Variants in MYO18B observed in about 807,000 individuals in gnomAD.
The protein encoded by MYO18B is myosin XVIIIB.
In MYO18B, 204 loss-of-function variants were observed where a neutral mutation model predicts 273.0. The observed-to-expected ratio is 0.75, with a 90% confidence interval of 0.67 to 0.84. MYO18B has a LOEUF of 0.84. Among genes scored for constraint, MYO18B ranks in the 40% least tolerant of loss-of-function variants. The probability of loss-of-function intolerance (pLI) is 0.00; values close to 1 mark genes in which losing one functional copy is unlikely to be tolerated. For synonymous variants in MYO18B, 1,330 were observed against 1,305.7 expected (o/e 1.02, Z -0.40); for missense variants, 3,212 against 3,287.6 (o/e 0.98, Z 0.56).
chr22:25,744,548 G>A (rs999951329), intron 1 of MYO18B, among the ~76,000 whole-genome samples: 5 of 152,120 alleles, frequency 3.3e-5, no homozygotes, highest in African/African-American at 4.8e-5. Context: ...TGGCTAACAC[G>A]GTGAAACCCC....
At chr22:25,754,095 T>C (rs1601595042) in intron 1 of MYO18B, among the ~76,000 whole-genome samples, 1 of 152,136 alleles carries the variant, frequency 6.6e-6, no homozygotes, top group Non-Finnish European at 1.5e-5. Context: ...CTACAGTAAG[T>C]GAAGAGAACG....
At position 26,004,979 on chromosome 22, in the gene MYO18B, C is replaced by G. The variant is rs982655608; in HGVS notation, c.6470+124C>G. 7.0e-6 allele frequency: 9 copies of G among 1,289,292 alleles called. No individual in the cohort carries two copies. The African/African-American group carries it at 1.3e-4, about 19-fold the overall frequency. The allele number at this position is 1,289,292 out of a possible 1,614,324, so 79.9% of individuals were successfully genotyped here. Reference sequence around the variant, plus strand: ...CAAAAACAAGCATGGTCCTGAAAGTCTGGGGTATAACTCTGCCACTTCCTA... The same window carrying G: ...CAAAAACAAGCATGGTCCTGAAAGTGTGGGGTATAACTCTGCCACTTCCTA... On this transcript the variant is annotated intron_variant, in intron 42 of 43. Coordinates refer to ENST00000335473, the MANE Select transcript of MYO18B (RefSeq NM_032608.7).
At chr22:25,789,728 C>G (rs1489186467) in intron 11 of MYO18B, among the ~76,000 whole-genome samples, 2 of 152,178 alleles carry the variant, frequency 1.3e-5, no homozygotes, top group African/African-American at 4.8e-5. Context: ...CACACACACA[C>G]TCGAGCAAAC....
intron 17 of MYO18B, 49 bp from the exon 18 acceptor site, chr22:25,843,686 G>A: frequency 1.3e-6 from 2 of 1,566,902 alleles, no homozygotes; most frequent in Non-Finnish European, 1.7e-6. Context: ...GCTGATTGCA[G>A]AGTGTCCTCA....
chr22:25,980,713 A>G (rs552436550), intron 39 of MYO18B, among the ~76,000 whole-genome samples: 30 of 152,216 alleles, frequency 2.0e-4, no homozygotes, highest in Non-Finnish European at 3.4e-4. Flanking sequence ...AGTGAATGCT[A>G]TTAGAAACAG....
At chr22:25,847,854 G>A (rs1301701183) in intron 20 of MYO18B, among the ~76,000 whole-genome samples, 3 of 151,998 alleles carry the variant, frequency 2.0e-5, no homozygotes, top group African/African-American at 4.8e-5. Flanking sequence ...CACATTGCCT[G>A]GACGTGGCAG....
At chr22:25,809,179 A>G in intron 12 of MYO18B, among the ~76,000 whole-genome samples, 1 of 151,996 alleles carries the variant, frequency 6.6e-6, no homozygotes, top group East Asian at 1.9e-4. Flanking sequence ...TCCTGACCTC[A>G]TGATCCACCC....
At chr22:26,033,790 G>GTCTCTCCTTCCTTCCTTTCTTTTTCTC (rs1268348469), downstream of MYO18B, among the ~76,000 whole-genome samples, 8 of 115,798 alleles carry the variant, frequency 6.9e-5, no homozygotes, top group Admixed American at 8.1e-5. Context: ...TTCTTTTTCT[G>GTCTCTCCTTCCTTCCTTTCTTTTTCTC]TCTCTCCTTC....
chr22:25,863,057 G>A (rs1036892645), intron 21 of MYO18B, among the ~76,000 whole-genome samples: 3 of 151,996 alleles, frequency 2.0e-5, no homozygotes, highest in Admixed American at 6.5e-5. Flanking sequence ...CTATTTTCAA[G>A]TTTGCTGACT....
At chr22:26,009,436 A>G (rs1934704368) in intron 42 of MYO18B, among the ~76,000 whole-genome samples, 2 of 152,016 alleles carry the variant, frequency 1.3e-5, no homozygotes, top group African/African-American at 2.4e-5. Flanking sequence ...TTGCTGTCCT[A>G]TTGAGTTACT....
chr22:25,919,666 T>TTGTGTG (rs977900012), intron 33 of MYO18B, among the ~76,000 whole-genome samples: 7 of 138,368 alleles, frequency 5.1e-5, no homozygotes, highest in African/African-American at 2.0e-4. Context: ...GCAGGTGAGA[T>TTGTGTG]TGTGTGTGTG....
chr22:25,826,534 T>A, intron 14 of MYO18B, 35 bp downstream of exon 14: 2 of 1,576,138 alleles, frequency 1.3e-6, no homozygotes, highest in African/African-American at 1.4e-5. Context: ...ACAGTTGGCC[T>A]CTTGCAGGTG....
chr22:25,751,632 C>T (rs1050783308), intron 1 of MYO18B, among the ~76,000 whole-genome samples: 9 of 152,300 alleles, frequency 5.9e-5, no homozygotes, highest in Admixed American at 2.6e-4. Context: ...AGTGTCTCGA[C>T]CTCTCTGAGT....
intron 34 of MYO18B, among the ~76,000 whole-genome samples, chr22:25,936,729 T>C (rs2092583124): frequency 6.6e-6 from 1 of 152,210 alleles, no homozygotes; most frequent in African/African-American, 2.4e-5. Context: ...GGTACCAGCA[T>C]GCCTGGGTTC....
At chr22:25,948,411 C>CTGTCT (rs2092741451) in intron 36 of MYO18B, among the ~76,000 whole-genome samples, 1 of 17,372 alleles carries the variant, frequency 5.8e-5, no homozygotes, top group African/African-American at 1.5e-4. Context: ...CCTGTCTTTC[C>CTGTCT]TTCCTTCCTT....
chr22:26,033,994 C>T (rs1169055265), downstream of MYO18B, among the ~76,000 whole-genome samples: 1 of 151,466 alleles, frequency 6.6e-6, no homozygotes, highest in Non-Finnish European at 1.5e-5. Flanking sequence ...GCTCTTGTCA[C>T]CCAGGTTGGA....
intron 42 of MYO18B, among the ~76,000 whole-genome samples, chr22:26,005,596 C>T (rs1433651479): frequency 1.3e-5 from 2 of 152,070 alleles, no homozygotes; most frequent in African/African-American, 4.8e-5. Flanking sequence ...CAAGGGTGGC[C>T]CTCTTGTAAT....
rs5761268 is a variant in MYO18B, at chr22:25,843,883, C to A, written c.3357C>A (p.His1119Gln). Residue 1119 changes from histidine (H) to glutamine (Q), a missense_variant, in exon 18 of 44, where the codon CAC becomes CAA. His to Gln is a conservative substitution (Grantham distance 24). Transcript: ENST00000335473. ...CCCTGGATGCACCCCAGGTCCTGCA[C>A]CAGTCAAAAAGGTGAGTTGGGTCAG... The part of the protein sequence containing the change: ...LSALDAPQVL[H>Q]QSKREELRSL... 1,148,781 of 1,607,200 alleles carry A rather than the reference C, an allele frequency of 0.71. 416,021 individuals carry two copies. The highest frequency in any genetic ancestry group is 1 in the East Asian group (44,609 of 44,706).
At chr22:25,903,888 T>C in intron 31 of MYO18B, 57 bp downstream of exon 31, 2 of 1,530,626 alleles carry the variant, frequency 1.3e-6, no homozygotes, top group Non-Finnish European at 1.8e-6. Flanking sequence ...TGCAGAGTGA[T>C]GTTATTAAAA....
Sources: allele counts gnomAD v4.1 joint callset (sites outside exome capture counted in the v4.1 genomes callset), GRCh38; gene constraint gnomAD v4.1.1; transcripts MANE v1.5; gene names NCBI Gene and HGNC (gene_info 2026-07-23, HGNC 2026-07-21).